Variants in SUPT3H observed in about 807,000 individuals in gnomAD.
SUPT3H encodes SPT3 homolog, SAGA and STAGA complex component.
SUPT3H carries 44 observed loss-of-function variants against 44.3 expected under a neutral mutation model. The ratio of observed to expected loss-of-function variants is 0.99; its 90% confidence interval spans 0.78 to 1.28. The LOEUF (loss-of-function observed/expected upper bound fraction) is 1.28, where lower values mean the gene tolerates loss of function less well. Among genes scored for constraint, SUPT3H ranks in the 50% most tolerant of loss-of-function variants. The pLI is 0.00. For synonymous variants in SUPT3H, 124 were observed against 125.6 expected (o/e 0.99, Z 0.09); for missense variants, 380 against 387.1 (o/e 0.98, Z 0.15).
At chr6:44,818,856 T>C (rs1262219114) in intron 11 of SUPT3H, among the ~76,000 whole-genome samples, 1 of 152,170 alleles carries the variant, frequency 6.6e-6, no homozygotes, top group Non-Finnish European at 1.5e-5. Flanking sequence ...AAACTAGAAA[T>C]CTCATATTTC....
intron 2 of SUPT3H, among the ~76,000 whole-genome samples, chr6:45,218,566 C>T (rs1765469676): frequency 6.6e-6 from 1 of 152,132 alleles, no homozygotes; most frequent in Non-Finnish European, 1.5e-5. Flanking sequence ...CCCACCTCTA[C>T]TAAAAAAATA....
At chr6:45,245,847 A>G (rs1400977517) in intron 2 of SUPT3H, among the ~76,000 whole-genome samples, 1 of 152,166 alleles carries the variant, frequency 6.6e-6, no homozygotes, top group African/African-American at 2.4e-5. Context: ...TAATTTTTGA[A>G]GAACCACTAT....
intron 9 of SUPT3H, among the ~76,000 whole-genome samples, chr6:44,936,597 TTC>T (rs113093826): frequency 0.024 from 3,704 of 152,292 alleles, 152 homozygotes; most frequent in African/African-American, 0.083. Context: ...ATATTTGACT[TTC>T]TGTTTCTGAG....
chr6:44,963,271 G>C (rs991181693), intron 6 of SUPT3H, among the ~76,000 whole-genome samples: 8 of 152,172 alleles, frequency 5.3e-5, no homozygotes, highest in Admixed American at 5.2e-4. Flanking sequence ...GTCCAGGCAG[G>C]TGGATCACTT....
chr6:44,824,311 A>T (rs1767582194), downstream of SUPT3H, among the ~76,000 whole-genome samples: 1 of 152,186 alleles, frequency 6.6e-6, no homozygotes, highest in African/African-American at 2.4e-5. Context: ...TGGCCAATGC[A>T]TTGGCAGGTG....
chr6:44,967,537 C>A (rs184220687), intron 6 of SUPT3H, among the ~76,000 whole-genome samples: 1 of 152,136 alleles, frequency 6.6e-6, no homozygotes, highest in Non-Finnish European at 1.5e-5. Flanking sequence ...ACTTTCAGTA[C>A]GGACAATCAT....
intron 9 of SUPT3H, among the ~76,000 whole-genome samples, chr6:44,951,155 C>T (rs1774240820): frequency 6.6e-6 from 1 of 151,400 alleles, no homozygotes; most frequent in Non-Finnish European, 1.5e-5. Flanking sequence ...GAGTATTATC[C>T]TAACTTCTAC....
At chr6:45,189,649 T>C (rs910125743) in intron 2 of SUPT3H, among the ~76,000 whole-genome samples, 1 of 152,160 alleles carries the variant, frequency 6.6e-6, no homozygotes, top group African/African-American at 2.4e-5. Flanking sequence ...TTTTCACTGG[T>C]CAAAGCTTAG....
chr6:45,315,524 A>C (rs910717962), intron 2 of SUPT3H, among the ~76,000 whole-genome samples: 5 of 152,204 alleles, frequency 3.3e-5, no homozygotes, highest in African/African-American at 1.2e-4. Context: ...ACACATGAAA[A>C]AATGCTCAAC....
rs777154020 is a variant in SUPT3H, at chr6:45,171,713, C to CTTTTTTT, written c.102-65714_102-65708dup. 2.9e-3 allele frequency among the ~76,000 whole-genome samples: 269 copies of CTTTTTTT among 93,466 alleles called. 5 individuals are homozygous for CTTTTTTT. Among genetic ancestry groups the CTTTTTTT allele is most frequent in the African/African-American group, 3.6e-3 (80 of 22,430 alleles). 61.3% of individuals were successfully genotyped at this position (93,466 alleles called of 152,430 possible). ...AAGGCATTAACAAAAATTCCACTTG[C>CTTTTTTT]TTTTTTTTTTTTTTTTTTTTTTTTG... On this transcript the variant is annotated intron_variant, in intron 2 of 10. Transcript: ENST00000371459.
chr6:44,968,056 G>A (rs929493530), intron 6 of SUPT3H, among the ~76,000 whole-genome samples: 1 of 152,060 alleles, frequency 6.6e-6, no homozygotes, highest in Non-Finnish European at 1.5e-5. Context: ...GCCTCCCAAA[G>A]TGCTGGGATT....
intron 5 of SUPT3H, among the ~76,000 whole-genome samples, chr6:45,006,222 T>G (rs1258097934): frequency 1.3e-5 from 2 of 152,164 alleles, no homozygotes; most frequent in Non-Finnish European, 2.9e-5. Flanking sequence ...TTTCTTTATG[T>G]TCAAGTTTTA....
rs1232363036 is a variant in SUPT3H at position 45,095,304 on chromosome 6, C to T, written c.186+10618G>A. Among the ~76,000 whole-genome samples, 1 of 152,202 alleles carries T rather than the reference C, an allele frequency of 6.6e-6. No individual in the cohort carries two copies. The highest frequency in any genetic ancestry group is 2.4e-5 in the African/African-American group (1 of 41,530). ...AAATTCTACATAGGAAACTTTATTACTATTTTAAAACACACCCATAAAACA... is the reference window on the plus strand; with the variant it reads ...AAATTCTACATAGGAAACTTTATTATTATTTTAAAACACACCCATAAAACA... On this transcript the variant is annotated intron_variant, in intron 3 of 10. Transcript: ENST00000371459. This position sits in a 1 kb window ranked among gnomAD's most constrained non-coding sequence, Gnocchi z 4.1.
intron 2 of SUPT3H, among the ~76,000 whole-genome samples, chr6:45,117,603 C>G (rs1271184473): frequency 1.3e-5 from 2 of 152,042 alleles, no homozygotes; most frequent in East Asian, 3.8e-4. Flanking sequence ...TCTAGAAAAA[C>G]CACCTGGCAA....
intron 2 of SUPT3H, among the ~76,000 whole-genome samples, chr6:45,217,229 C>T (rs1353576155): frequency 6.6e-6 from 1 of 152,132 alleles, no homozygotes; most frequent in African/African-American, 2.4e-5. Context: ...GTAATCCCAG[C>T]ACTTTGGGAG....
At chr6:45,009,634 C>A (rs1009161975) in intron 5 of SUPT3H, among the ~76,000 whole-genome samples, 1 of 152,176 alleles carries the variant, frequency 6.6e-6, no homozygotes, top group Non-Finnish European at 1.5e-5. Context: ...ATGCTCATTA[C>A]TGAACTCTCA....
intron 2 of SUPT3H, among the ~76,000 whole-genome samples, chr6:45,179,535 C>G (rs1429602968): frequency 6.6e-6 from 1 of 152,200 alleles, no homozygotes; most frequent in East Asian, 1.9e-4. Flanking sequence ...CCACCATGAT[C>G]AAGTGGGCTT....
At chr6:45,276,829 T>C (rs1177183477) in intron 2 of SUPT3H, among the ~76,000 whole-genome samples, 4 of 152,204 alleles carry the variant, frequency 2.6e-5, no homozygotes, top group African/African-American at 4.8e-5. Context: ...GACTTAACTG[T>C]TGCATGCCAC....
chr6:45,328,525 TTTTTG>T, intron 2 of SUPT3H: 7 of 1,564,308 alleles, frequency 4.5e-6, no homozygotes, highest in Non-Finnish European at 6.1e-6. Flanking sequence ...GCTCATTCTC[TTTTTG>T]TTTTGTTTCT....
Sources: gnomAD v4.1 joint callset for allele counts (sites outside exome capture counted in the v4.1 genomes callset) on GRCh38, gnomAD v4.1.1 for gene constraint, Gnocchi (gnomAD v3.1) non-coding constraint, MANE v1.5 for transcripts, NCBI Gene and HGNC (gene_info 2026-07-23, HGNC 2026-07-21) for gene names.